SARM1: variants seen among roughly 807,000 people sequenced by gnomAD.
SARM1 encodes NAD(+) hydrolase SARM1.
Under a neutral mutation model 65.1 loss-of-function variants are expected in SARM1, and 60 were observed. The observed-to-expected ratio is 0.92, with a 90% confidence interval of 0.75 to 1.14. The LOEUF (loss-of-function observed/expected upper bound fraction) is 1.14. Ranked by LOEUF, SARM1 falls within the 50% of genes most tolerant of loss-of-function variation. The pLI is 0.00. For synonymous variants in SARM1, 417 were observed against 465.4 expected, an observed-to-expected ratio of 0.90 and a Z score of 1.34; for missense variants, 913 against 1,015.7, an observed-to-expected ratio of 0.90 and a Z score of 1.37.
intron 1 of SARM1, among the ~76,000 whole-genome samples, chr17:28,378,394 C>G (rs2068004810): frequency 6.6e-6 from 1 of 152,200 alleles, no homozygotes; most frequent in Non-Finnish European, 1.5e-5. Context: ...AATGCAATCT[C>G]TCCTTCTCCT....
Position 28,399,970 on chromosome 17 carries a change from TG to T in SARM1, c.*3685del. On this transcript the variant is annotated 3_prime_UTR_variant, in exon 9 of 9. Transcript: ENST00000585482. ...GGGCAGTGACATAATCATAGCTCAC[TG>T]TACCCTTGAACTCCTGGGCTCAAGT... The T allele has an allele frequency of 2.1e-6, 1 of 478,208 alleles. No homozygotes were observed. Among genetic ancestry groups the T allele is most frequent in the Non-Finnish European group, 3.8e-6 (1 of 261,916 alleles). 29.6% of individuals were successfully genotyped at this position (478,208 alleles called of 1,614,324 possible).
chr17:28,373,532 A>G (rs782721144), intron 1 of SARM1: 1 of 152,270 alleles, frequency 6.6e-6, no homozygotes, highest in Non-Finnish European at 1.5e-5. Context: ...TCAAAAATGC[A>G]TGAATGAAGC....
chr17:28,402,468 T>C lies in SARM1; in HGVS notation c.*6182T>C, dbSNP rs2068209367. Reference sequence around the variant, plus strand: ...CTTGATGGTGAGGGTGGGAAGACAGTAGTCAAGGAGGAATGGAGACTGCCC... The same window carrying C: ...CTTGATGGTGAGGGTGGGAAGACAGCAGTCAAGGAGGAATGGAGACTGCCC... On this transcript the variant is annotated 3_prime_UTR_variant, in exon 9 of 9. Coordinates refer to ENST00000585482, the MANE Select transcript of SARM1 (RefSeq NM_015077.4). 2 of 643,284 alleles carry C rather than the reference T, an allele frequency of 3.1e-6. No homozygotes were observed. Among genetic ancestry groups the C allele is most frequent in the South Asian group, 3.9e-5 (2 of 50,738 alleles). The allele number at this position is 643,284 out of a possible 1,614,324, so 39.8% of individuals were successfully genotyped here. A position where few individuals can be genotyped will look rare whatever the true frequency, so the allele number is the denominator to read the frequency against.
Position 28,381,786 on chromosome 17 carries a change from G to A in SARM1, c.1054G>A (p.Glu352Lys). The A allele has an allele frequency of 4.8e-6, 7 of 1,459,740 alleles. No homozygotes were observed. Among genetic ancestry groups the A allele is most frequent in the Non-Finnish European group, 5.4e-6 (6 of 1,104,410 alleles). 90.4% of individuals were successfully genotyped at this position (1,459,740 alleles called of 1,614,324 possible). The change falls in exon 2 of 9, where the codon GAG becomes AAG. Residue 352 changes from glutamate to lysine, a missense_variant. Around this residue, in one of 3 missense-constraint regions of SARM1, gnomAD observed 862 missense variants for 952.1 expected, o/e 0.91. Coordinates refer to ENST00000585482, the MANE Select transcript of SARM1 (RefSeq NM_015077.4). ...CATCGGGGCTTTCTACCTCTGCGCCGAGGCTGCCATCAAGAGCCTGCAAGG... is the reference window on the plus strand; with the variant it reads ...CATCGGGGCTTTCTACCTCTGCGCCAAGGCTGCCATCAAGAGCCTGCAAGG... ...QCIGAFYLCA[E>K]AAIKSLQGKT...
In SARM1 at chr17:28,381,748, T is replaced by C. The variant is rs1555585343; in HGVS notation, c.1016T>C (p.Leu339Ser). 3 of 1,511,184 alleles carry C rather than the reference T, an allele frequency of 2.0e-6. No homozygotes were observed. The highest frequency in any genetic ancestry group is 1.8e-6 in the Non-Finnish European group (2 of 1,130,160). The allele number at this position is 1,511,184 out of a possible 1,614,324, so 93.6% of individuals were successfully genotyped here. The change falls in exon 2 of 9, where the codon TTG becomes TCG. Residue 339 changes from leucine to serine, a missense_variant. Physicochemically the swap from Leu to Ser is moderately radical, Grantham distance 145. Around this residue, in one of 3 missense-constraint regions of SARM1, gnomAD observed 862 missense variants for 952.1 expected, o/e 0.91. Coordinates refer to ENST00000585482, the MANE Select transcript of SARM1 (RefSeq NM_015077.4). ...GTGCCGTTGCTCGACTCTAACCGCT[T>C]GGAGGCGCAGTGCATCGGGGCTTTC... ...RLVPLLDSNRLEAQCIGAFYL... is the reference protein window; with the variant it reads ...RLVPLLDSNRSEAQCIGAFYL...
At position 28,396,245 on chromosome 17, in the gene SARM1, G is replaced by A. The variant is rs2068121808; in HGVS notation, c.2134G>A (p.Asp712Asn). The A allele has an allele frequency of 6.2e-7, 1 of 1,614,014 alleles. No individual in the cohort carries two copies. Among genetic ancestry groups the A allele is most frequent in the African/African-American group, 1.3e-5 (1 of 75,050 alleles). ...RSSRDSSAGS[D>N]TSLEGAAPMG... Reference sequence around the variant, plus strand: ...CTCCCGGGACTCATCTGCAGGCTCTGACACCAGTTTGGAGGGTGCTGCACC... The same window carrying A: ...CTCCCGGGACTCATCTGCAGGCTCTAACACCAGTTTGGAGGGTGCTGCACC... Residue 712 changes from aspartate (D) to asparagine (N), a missense_variant, in exon 9 of 9, where the codon GAC becomes AAC. Coordinates refer to ENST00000585482, the MANE Select transcript of SARM1 (RefSeq NM_015077.4).
rs1555589399 is a variant in SARM1 at position 28,400,694 on chromosome 17, A to G, written c.*4408A>G. On this transcript the variant is annotated 3_prime_UTR_variant, in exon 9 of 9. Coordinates refer to ENST00000585482, the MANE Select transcript of SARM1 (RefSeq NM_015077.4). Reference sequence around the variant, plus strand: ...CATAAAGTTCAGAGTGGCTGGGTAGAGTGAGTTGAAGATGCCGGAGGCCGT... The same window carrying G: ...CATAAAGTTCAGAGTGGCTGGGTAGGGTGAGTTGAAGATGCCGGAGGCCGT... 6.2e-7 allele frequency: 1 copy of G among 1,611,750 alleles called. No individual in the cohort carries two copies. The highest frequency in any genetic ancestry group is 8.5e-7 in the Non-Finnish European group (1 of 1,179,134).
intron 1 of SARM1, chr17:28,373,391 A>C (rs1555584287): frequency 6.6e-6 from 1 of 152,200 alleles, no homozygotes; most frequent in Non-Finnish European, 1.5e-5. Context: ...TCAAGCTTAG[A>C]AGAGTTTTTG....
chr17:28,392,306 C>T (rs1333969568), intron 7 of SARM1, among the ~76,000 whole-genome samples: 2 of 151,548 alleles, frequency 1.3e-5, no homozygotes, highest in Admixed American at 6.6e-5. Context: ...TTAGTAGAGA[C>T]GGGGTTTCAC....
chr17:28,392,135 G>A (rs1455492915), intron 7 of SARM1, among the ~76,000 whole-genome samples: 2 of 150,390 alleles, frequency 1.3e-5, no homozygotes, highest in African/African-American at 4.9e-5. Context: ...TTGAGGCACA[G>A]TCTTGCTCTA....
chr17:28,386,082 C>G (rs2068048956), intron 5 of SARM1, among the ~76,000 whole-genome samples: 1 of 152,084 alleles, frequency 6.6e-6, no homozygotes, highest in Non-Finnish European at 1.5e-5. Flanking sequence ...TCGCTCAAGT[C>G]CAGGAGTTTG....
chr17:28,388,633 C>A, intron 7 of SARM1, 94 bp downstream of exon 7: 2 of 1,323,158 alleles, frequency 1.5e-6, no homozygotes, highest in Non-Finnish European at 2.1e-6. Context: ...CACATCCCGG[C>A]ACACTTAGCC....
chr17:28,399,524 C>G lies in SARM1; in HGVS notation c.*3238C>G, dbSNP rs782524976. On this transcript the variant is annotated 3_prime_UTR_variant, in exon 9 of 9. Transcript: ENST00000585482. ...TGGTGCCTTGGTCTCTCTTGACTAC[C>G]TCGTCCAAAGAGAGCACTGCCCTTA... 1 of 881,156 alleles carries G rather than the reference C, an allele frequency of 1.1e-6. No individual in the cohort carries two copies. Among genetic ancestry groups the G allele is most frequent in the East Asian group, 2.6e-5 (1 of 37,930 alleles). The allele number at this position is 881,156 out of a possible 1,614,324, so 54.6% of individuals were successfully genotyped here. A position where few individuals can be genotyped will look rare whatever the true frequency, so the allele number is the denominator to read the frequency against.
rs971923304 is a variant in SARM1 at position 28,399,495 on chromosome 17, G to A, written c.*3209G>A. 2 of 671,160 alleles carry A rather than the reference G, an allele frequency of 3.0e-6. No homozygotes were observed. The highest frequency in any genetic ancestry group is 2.6e-6 in the Non-Finnish European group (1 of 385,208). The allele number at this position is 671,160 out of a possible 1,614,324, so 41.6% of individuals were successfully genotyped here. A position where few individuals can be genotyped will look rare whatever the true frequency, so the allele number is the denominator to read the frequency against. ...GACAGAGGCTGGGTCAGCTGTGGAT[G>A]GGGTGGTGCCTTGGTCTCTCTTGAC... On this transcript the variant is annotated 3_prime_UTR_variant, in exon 9 of 9. Coordinates refer to ENST00000585482, the MANE Select transcript of SARM1 (RefSeq NM_015077.4).
chr17:28,396,427 C>A lies in SARM1; in HGVS notation c.*141C>A. On this transcript the variant is annotated 3_prime_UTR_variant, in exon 9 of 9. Coordinates refer to ENST00000585482, the MANE Select transcript of SARM1 (RefSeq NM_015077.4). The stretch of plus-strand genomic sequence containing the variant: ...TGGCTCTCCCTCCCCCTGTCCCCCA[C>A]CCTCATGGCCCACCTCCAACCCACT... 1.1e-6 allele frequency: 1 copy of A among 928,244 alleles called. No homozygotes were observed. Among genetic ancestry groups the A allele is most frequent in the Non-Finnish European group, 1.6e-6 (1 of 617,408 alleles). The allele number at this position is 928,244 out of a possible 1,614,324, so 57.5% of individuals were successfully genotyped here. A position where few individuals can be genotyped will look rare whatever the true frequency, so the allele number is the denominator to read the frequency against.
Position 28,396,848 on chromosome 17 carries a change from C to G in SARM1, c.*562C>G, listed in dbSNP as rs886052744. ...TAATCACTCAGTGCCCTTAGCTAGC[C>G]TGACTAAGTCCCAGATCCCCTACAG... On this transcript the variant is annotated 3_prime_UTR_variant, in exon 9 of 9. Transcript: ENST00000585482. 1 of 153,016 alleles carries G rather than the reference C, an allele frequency of 6.5e-6. No individual in the cohort carries two copies. The highest frequency in any genetic ancestry group is 1.9e-4 in the East Asian group (1 of 5,200). The allele number at this position is 153,016 out of a possible 1,614,324, so 9.5% of individuals were successfully genotyped here. A position where few individuals can be genotyped will look rare whatever the true frequency, so the allele number is the denominator to read the frequency against.
intron 7 of SARM1, among the ~76,000 whole-genome samples, chr17:28,393,289 C>T (rs2068089894): frequency 6.6e-6 from 1 of 152,156 alleles, no homozygotes; most frequent in Non-Finnish European, 1.5e-5. Flanking sequence ...TAGTGCAGGC[C>T]TGTGATCCCA....
chr17:28,399,605 G>T lies in SARM1; in HGVS notation c.*3319G>T, dbSNP rs781826739. On this transcript the variant is annotated 3_prime_UTR_variant, in exon 9 of 9. Transcript: ENST00000585482. ...GGCTTCCAGCTGCAGACCTCCAGTT[G>T]CTTGGTGTTCACTTTGCTCCTCTTG... 6.3e-6 allele frequency: 10 copies of T among 1,594,268 alleles called. No individual in the cohort carries two copies. The highest frequency in any genetic ancestry group is 1.7e-4 in the Middle Eastern group (1 of 6,048).
Position 28,385,882 on chromosome 17 carries a change from C to T in SARM1, c.1630+607C>T, listed in dbSNP as rs1330273929. On this transcript the variant is annotated intron_variant, in intron 5 of 8. Transcript: ENST00000585482. The surrounding 1 kb of genome is among the most constrained non-coding windows in gnomAD (Gnocchi z 4.5). ...AATCTTTATTGTCAATTACAAGGTA[C>T]TCTGTTTGGTTTTTAAGATATTATC... Among the ~76,000 whole-genome samples, 1 of 152,244 alleles carries T rather than the reference C, an allele frequency of 6.6e-6. No homozygotes were observed. The highest frequency in any genetic ancestry group is 1.9e-4 in the East Asian group (1 of 5,192).
Sources: gnomAD v4.1 joint callset for allele counts (sites outside exome capture counted in the v4.1 genomes callset) on GRCh38, gnomAD v4.1.1 for gene constraint, gnomAD v4.1.1 regional missense constraint, Gnocchi (gnomAD v3.1) non-coding constraint, MANE v1.5 for transcripts, NCBI Gene and HGNC (gene_info 2026-07-23, HGNC 2026-07-21) for gene names.